SLC2A9: variants seen among roughly 807,000 people sequenced by gnomAD.
The protein encoded by SLC2A9 is solute carrier family 2, facilitated glucose transporter member 9.
A neutral mutation model predicts 50.6 loss-of-function variants in SLC2A9; 39 were observed. The ratio of observed to expected loss-of-function variants is 0.77; its 90% confidence interval spans 0.60 to 1.01. SLC2A9 has a LOEUF of 1.01. Ranked by LOEUF, SLC2A9 falls within the 50% of genes least tolerant of loss-of-function variation. The pLI, the probability that SLC2A9 is intolerant of heterozygous loss-of-function variation, is 0.00. For synonymous variants in SLC2A9, 324 were observed against 276.9 expected (o/e 1.17, Z -1.69); for missense variants, 686 against 677.6 (o/e 1.01, Z -0.14).
chr4:9,879,217 C>T (rs534177696), intron 10 of SLC2A9: 31 of 985,182 alleles, frequency 3.1e-5, no homozygotes, highest in Admixed American at 1.2e-4. Context: ...CCCAGAGGGG[C>T]GGGCTGTTTC....
intron 10 of SLC2A9, chr4:9,880,615 T>C (rs572415917): frequency 1.0e-6 from 1 of 969,402 alleles, no homozygotes; most frequent in African/African-American, 1.8e-5. Context: ...GATATGCAGA[T>C]GAGTCCAATC....
At chr4:9,992,322 A>C (rs1348574449) in intron 3 of SLC2A9, among the ~76,000 whole-genome samples, 1 of 152,248 alleles carries the variant, frequency 6.6e-6, no homozygotes, top group African/African-American at 2.4e-5. Context: ...GTTATTTGCC[A>C]GGATTTTCTA....
intron 6 of SLC2A9, among the ~76,000 whole-genome samples, chr4:9,931,934 C>CTCTCAA (rs1746044769): frequency 2.0e-5 from 1 of 51,190 alleles, no homozygotes; most frequent in African/African-American, 1.3e-4. Context: ...CTCTCTCTCT[C>CTCTCAA]TCTCTCTCTC....
At chr4:9,875,116 T>C (rs138805212) in intron 10 of SLC2A9, among the ~76,000 whole-genome samples, 8 of 90,282 alleles carry the variant, frequency 8.9e-5, no homozygotes, top group East Asian at 2.7e-4. Context: ...GGATGCTGTG[T>C]CTTTAGAAAT....
chr4:9,898,612 G>A (rs1429013658), intron 8 of SLC2A9, among the ~76,000 whole-genome samples: 2 of 152,216 alleles, frequency 1.3e-5, no homozygotes, highest in Non-Finnish European at 2.9e-5. Flanking sequence ...GGTCGTAGAA[G>A]ATGCCCCATT....
At chr4:9,803,666 T>A (rs1443395263) in intron 3 of SLC2A9, among the ~76,000 whole-genome samples, 1 of 152,230 alleles carries the variant, frequency 6.6e-6, no homozygotes, top group African/African-American at 2.4e-5. Flanking sequence ...GTATTTTCAG[T>A]AGCACTTGCT....
intron 1 of SLC2A9, chr4:10,035,671 T>C (rs1764078710): frequency 2.6e-5 from 4 of 152,238 alleles, no homozygotes; most frequent in Admixed American, 6.5e-5. Context: ...TGGGAGTCTG[T>C]GGACTGAAGG....
At chr4:9,776,018 T>G (rs1035049917), downstream of SLC2A9, among the ~76,000 whole-genome samples, 5 of 151,910 alleles carry the variant, frequency 3.3e-5, no homozygotes, top group African/African-American at 1.2e-4. Flanking sequence ...CCGCTCACAT[T>G]CTATTGGCCA....
chr4:10,010,763 C>G (rs1417171077), intron 2 of SLC2A9, among the ~76,000 whole-genome samples: 1 of 152,212 alleles, frequency 6.6e-6, no homozygotes, highest in Admixed American at 6.5e-5. Context: ...TTGATTAGCC[C>G]TGAACTGTCC....
At chr4:9,952,177 T>C (rs905588085) in intron 5 of SLC2A9, among the ~76,000 whole-genome samples, 4 of 152,252 alleles carry the variant, frequency 2.6e-5, no homozygotes, top group Non-Finnish European at 4.4e-5. Context: ...TCACATGCAG[T>C]AGGGGCTTTA....
intron 3 of SLC2A9, chr4:9,784,028 T>C (rs1718885426): frequency 6.0e-6 from 1 of 167,368 alleles, no homozygotes; most frequent in Non-Finnish European, 1.5e-5. Context: ...TGACTATCTT[T>C]GCTTTGCTAC....
At chr4:9,821,384 A>G (rs1425285588), downstream of SLC2A9, among the ~76,000 whole-genome samples, 4 of 152,032 alleles carry the variant, frequency 2.6e-5, no homozygotes, top group Non-Finnish European at 2.9e-5. Context: ...AATCTCAGCA[A>G]ACTAACACAG....
intron 3 of SLC2A9, among the ~76,000 whole-genome samples, chr4:9,790,405 C>A (rs1184805430): frequency 1.3e-5 from 2 of 152,152 alleles, no homozygotes; most frequent in East Asian, 3.9e-4. Context: ...TTTCTACACA[C>A]TTGATAATTT....
chr4:9,969,297 G>C (rs953086691), intron 5 of SLC2A9, among the ~76,000 whole-genome samples: 1 of 151,762 alleles, frequency 6.6e-6, no homozygotes, highest in African/African-American at 2.4e-5. Flanking sequence ...TCATAATTTT[G>C]GTTATTATAT....
chr4:9,804,340 C>T (rs777601569), intron 3 of SLC2A9, among the ~76,000 whole-genome samples: 1 of 152,108 alleles, frequency 6.6e-6, no homozygotes, highest in Non-Finnish European at 1.5e-5. Flanking sequence ...TTCACCGGGG[C>T]TTGGTTTACT....
chr4:9,909,105 A>C (rs1741231255), intron 7 of SLC2A9, among the ~76,000 whole-genome samples: 1 of 152,244 alleles, frequency 6.6e-6, no homozygotes, highest in Non-Finnish European at 1.5e-5. Context: ...CAATGCATAC[A>C]AGGTGAAAGA....
At chr4:9,993,021 G>A (rs1376301380) in intron 3 of SLC2A9, among the ~76,000 whole-genome samples, 2 of 152,138 alleles carry the variant, frequency 1.3e-5, no homozygotes, top group Non-Finnish European at 2.9e-5. Context: ...AATTACTCAG[G>A]GGCTGCCTCC....
At chr4:9,789,047 G>C (rs904301386) in intron 3 of SLC2A9, among the ~76,000 whole-genome samples, 3 of 152,116 alleles carry the variant, frequency 2.0e-5, no homozygotes, top group Non-Finnish European at 4.4e-5. Flanking sequence ...ATTCATATGT[G>C]CATATACACA....
intron 10 of SLC2A9, among the ~76,000 whole-genome samples, chr4:9,848,962 G>A (rs1033082017): frequency 5.3e-5 from 8 of 152,130 alleles, no homozygotes; most frequent in East Asian, 1.9e-4. Context: ...TCGGCCTCCC[G>A]AAGTGCTGGG....
Sources: allele counts gnomAD v4.1 joint callset (sites outside exome capture counted in the v4.1 genomes callset), GRCh38; gene constraint gnomAD v4.1.1; transcripts MANE v1.5; gene names NCBI Gene and HGNC (gene_info 2026-07-23, HGNC 2026-07-21).